SHANK2: variants seen among roughly 807,000 people sequenced by gnomAD.
SHANK2 encodes the protein SH3 and multiple ankyrin repeat domains protein 2.
A neutral mutation model predicts 133.7 loss-of-function variants in SHANK2; 43 were observed. That is an observed-to-expected ratio of 0.32 (90% CI 0.25 to 0.41). SHANK2 has a LOEUF of 0.41. Among genes scored for constraint, SHANK2 ranks in the 10% least tolerant of loss-of-function variants. SHANK2 has a pLI of 1.00. For synonymous variants in SHANK2, 1,017 were observed against 952.8 expected (o/e 1.07, Z -1.24); for missense variants, 1,994 against 2,235.8 (o/e 0.89, Z 2.18).
rs2058616564 is a variant in SHANK2, at chr11:70,473,155, A to G, written c.5264T>C (p.Leu1755Ser). ...CGACCTACTGCGTCCCGCTGGGTTC[A>G]AGCCAAATAGATCCCCAGAAGGGGG... ...SQPPSGDLFGLNPAGRSRSPS... is the reference protein window; with the variant it reads ...SQPPSGDLFGSNPAGRSRSPS... The change falls in exon 26 of 26, where the codon TTG (leucine) becomes TCG (serine). Residue 1755 changes from leucine (L) to serine (S), a missense_variant. Physicochemically the swap from Leu to Ser is moderately radical, Grantham distance 145. This residue lies in a region of SHANK2 where 797 missense variants were observed against 907.4 expected (regional missense o/e 0.88). Transcript: ENST00000601538. This position sits in a 1 kb window ranked among gnomAD's most constrained non-coding sequence, Gnocchi z 5.9. 5.0e-6 allele frequency: 8 copies of G among 1,614,138 alleles called. No individual in the cohort carries two copies. Among genetic ancestry groups the G allele is most frequent in the Non-Finnish European group, 6.8e-6 (8 of 1,179,942 alleles).
chr11:71,214,458 T>C (rs2919739), intron 2 of SHANK2, among the ~76,000 whole-genome samples: 5,201 of 152,280 alleles, frequency 0.034, 213 homozygotes, highest in African/African-American at 0.093. Context: ...GACTTCTTTC[T>C]TCTGTAGCCA....
Position 70,487,007 on chromosome 11 carries a change from T to C in SHANK2, c.3286A>G (p.Arg1096Gly). 6.2e-7 allele frequency: 1 copy of C among 1,610,682 alleles called. No homozygotes were observed. Among genetic ancestry groups the C allele is most frequent in the Non-Finnish European group, 8.5e-7 (1 of 1,179,726 alleles). The change falls in exon 25 of 26, where the codon AGG (arginine) becomes GGG (glycine). Residue 1096 changes from arginine (R) to glycine (G), a missense_variant. Arg to Gly is a moderately radical substitution (Grantham distance 125, BLOSUM62 -2). Around this residue, in one of 5 missense-constraint regions of SHANK2, gnomAD observed 488 missense variants for 642.6 expected, o/e 0.76. Coordinates refer to ENST00000601538, the MANE Select transcript of SHANK2 (RefSeq NM_012309.5). This position sits in a 1 kb window ranked among gnomAD's most constrained non-coding sequence, Gnocchi z 5.8. The stretch of plus-strand genomic sequence containing the variant: ...GAGAGGAAGGCCGGGGAGTTCCTCC[T>C]GGCTTCCAGCCGCTTCTCACGGTCG... ...VRDREKRLEARRNSPAFLSTD... is the reference protein window; with the variant it reads ...VRDREKRLEAGRNSPAFLSTD...
chr11:70,826,854 G>C (rs1433428860), intron 11 of SHANK2: 8 of 212,172 alleles, frequency 3.8e-5, no homozygotes, highest in African/African-American at 1.8e-4. Context: ...CGGATCAGGC[G>C]TCCTCGAGCT....
chr11:70,820,275 T>C, intron 12 of SHANK2, 89 bp downstream of exon 12: 2 of 582,932 alleles, frequency 3.4e-6, no homozygotes, highest in Non-Finnish European at 3.1e-6. Context: ...ATGGGCTTCC[T>C]GCTCAACTTC....
chr11:70,866,964 T>G (rs1165518582), intron 11 of SHANK2, among the ~76,000 whole-genome samples: 2 of 152,004 alleles, frequency 1.3e-5, no homozygotes, highest in African/African-American at 4.8e-5. Context: ...ACTCCCTCGC[T>G]GTGGCTCTCA....
intron 2 of SHANK2, among the ~76,000 whole-genome samples, chr11:71,189,237 G>A (rs782233825): frequency 6.6e-6 from 1 of 152,232 alleles, no homozygotes; most frequent in Non-Finnish European, 1.5e-5. Context: ...GGGGCTCCCA[G>A]ACCCCGTTCT....
intron 18 of SHANK2, 62 bp downstream of exon 18, chr11:70,502,734 C>CT: frequency 2.9e-6 from 2 of 679,566 alleles, no homozygotes; most frequent in South Asian, 1.6e-5. Context: ...CTGTCCTGCC[C>CT]GCCCCCACCC....
chr11:71,076,499 CA>C (rs1350081033), intron 8 of SHANK2, among the ~76,000 whole-genome samples: 1,739 of 114,882 alleles, frequency 0.015, 33 homozygotes, highest in African/African-American at 0.047. Flanking sequence ...CAAAACAAAA[CA>C]AAAAAAAAAC....
At chr11:70,591,138 G>A (rs2060315654) in intron 17 of SHANK2, among the ~76,000 whole-genome samples, 1 of 152,148 alleles carries the variant, frequency 6.6e-6, no homozygotes, top group Non-Finnish European at 1.5e-5. Context: ...CCTCACTTGA[G>A]GTCAGGAGTT....
intron 10 of SHANK2, among the ~76,000 whole-genome samples, chr11:70,898,152 G>T (rs950527558): frequency 6.7e-6 from 1 of 149,386 alleles, no homozygotes; most frequent in African/African-American, 2.5e-5. Context: ...TTTTTTTTTT[G>T]GTAGAGACAG....
At chr11:71,109,543 T>C (rs1268651067) in intron 6 of SHANK2, among the ~76,000 whole-genome samples, 2 of 152,228 alleles carry the variant, frequency 1.3e-5, no homozygotes, top group Non-Finnish European at 2.9e-5. Flanking sequence ...TGGGTGCAGA[T>C]GCCCATCTGC....
intron 10 of SHANK2, among the ~76,000 whole-genome samples, chr11:70,934,369 G>A (rs1318657289): frequency 2.6e-5 from 4 of 152,070 alleles, no homozygotes; most frequent in Non-Finnish European, 5.9e-5. Flanking sequence ...CAGCCGGCCG[G>A]CCTCCCTCCT....
At chr11:71,094,491 A>T (rs1951572251) in intron 7 of SHANK2, 46 bp downstream of exon 7, 1 of 1,527,962 alleles carries the variant, frequency 6.5e-7, no homozygotes, top group African/African-American at 1.4e-5. Flanking sequence ...AGCCGCACGG[A>T]ATCAGAGCAC....
At chr11:70,740,527 A>C (rs1555034503) in intron 14 of SHANK2, among the ~76,000 whole-genome samples, 1 of 152,024 alleles carries the variant, frequency 6.6e-6, no homozygotes, top group African/African-American at 2.4e-5. Flanking sequence ...GAGTAGCTGA[A>C]GCGCCCTCAT....
rs1034110169 is a variant in SHANK2, at chr11:71,188,931, C to G, written c.-13+35766G>C. Reference sequence around the variant, plus strand: ...TGGGGTTCTCTCAATACAGCAGGAGCGGGCCCCAGCTCCACGGCCCCCCAC... The same window carrying G: ...TGGGGTTCTCTCAATACAGCAGGAGGGGGCCCCAGCTCCACGGCCCCCCAC... On this transcript the variant is annotated intron_variant, in intron 2 of 25. Coordinates refer to ENST00000601538, the MANE Select transcript of SHANK2 (RefSeq NM_012309.5). The surrounding 1 kb of genome is among the most constrained non-coding windows in gnomAD (Gnocchi z 4.6). Among the ~76,000 whole-genome samples the G allele has an allele frequency of 1.6e-4, 25 of 152,178 alleles. No individual in the cohort carries two copies. Among genetic ancestry groups the G allele is most frequent in the Admixed American group, 3.3e-4 (5 of 15,282 alleles).
intron 10 of SHANK2, among the ~76,000 whole-genome samples, chr11:70,955,407 G>C (rs1157648564): frequency 6.8e-6 from 1 of 146,912 alleles, no homozygotes; most frequent in Non-Finnish European, 1.5e-5. Flanking sequence ...GTTCTCCAGA[G>C]ACACAGACCC....
rs1466581947 is a variant in SHANK2 at position 70,830,454 on chromosome 11, G to T, written c.1175-9772C>A. 2.6e-5 allele frequency among the ~76,000 whole-genome samples: 4 copies of T among 152,130 alleles called. No homozygotes were observed. The highest frequency in any genetic ancestry group is 5.9e-5 in the Non-Finnish European group (4 of 68,026). ...GCATTCTCCTGCCATCTGCACACAG[G>T]CCCGGCCCTTCACCCTCCAAGCCAC... On this transcript the variant is annotated intron_variant, in intron 11 of 25. Coordinates refer to ENST00000601538, the MANE Select transcript of SHANK2 (RefSeq NM_012309.5). The surrounding 1 kb of genome is among the most constrained non-coding windows in gnomAD (Gnocchi z 4.4).
At chr11:70,736,913 C>T (rs1275136484) in intron 14 of SHANK2, among the ~76,000 whole-genome samples, 16 of 152,240 alleles carry the variant, frequency 1.1e-4, no homozygotes, top group African/African-American at 3.1e-4. Context: ...GAAATGGGAA[C>T]GGAATTCAGC....
At chr11:70,545,034 C>T (rs1240733215) in intron 17 of SHANK2, among the ~76,000 whole-genome samples, 1 of 152,168 alleles carries the variant, frequency 6.6e-6, no homozygotes, top group African/African-American at 2.4e-5. Context: ...ACAGGATGGC[C>T]TCTTGGAAGA....
Sources: gnomAD v4.1 joint callset for allele counts (sites outside exome capture counted in the v4.1 genomes callset) on GRCh38, gnomAD v4.1.1 for gene constraint, gnomAD v4.1.1 regional missense constraint, Gnocchi (gnomAD v3.1) non-coding constraint, MANE v1.5 for transcripts, NCBI Gene and HGNC (gene_info 2026-07-23, HGNC 2026-07-21) for gene names.